Variants in COL6A3 observed in about 807,000 individuals in gnomAD.
COL6A3 encodes the protein collagen alpha-3(VI) chain.
COL6A3 carries 137 observed loss-of-function variants against 274.1 expected under a neutral mutation model. That is an observed-to-expected ratio of 0.50 (90% confidence interval 0.44 to 0.58). COL6A3 has a LOEUF of 0.58. Among genes scored for constraint, COL6A3 ranks in the 20% least tolerant of loss-of-function variants. COL6A3 has a pLI of 0.00. For missense variants in COL6A3, 3,950 were observed against 4,124.9 expected (o/e 0.96, Z 1.16); for synonymous variants, 1,650 against 1,650.6 (o/e 1.00, Z 0.01).
chr2:237,340,445 G>T lies in COL6A3; in HGVS notation c.8464+7C>A. 6.2e-7 allele frequency: 1 copy of T among 1,611,056 alleles called. No homozygotes were observed. The highest frequency in any genetic ancestry group is 8.5e-7 in the Non-Finnish European group (1 of 1,179,842). On this transcript the variant is annotated splice_region_variant and intron_variant, in intron 38 of 43. Transcript: ENST00000295550. ...CCAGGGCACATGCTGTGCCACGCAG[G>T]ACTTACTGCTGACGAAGGATGGCAA...
intron 1 of COL6A3, among the ~76,000 whole-genome samples, chr2:237,402,879 G>A (rs1045666215): frequency 3.3e-5 from 5 of 152,142 alleles, no homozygotes; most frequent in African/African-American, 1.2e-4. Flanking sequence ...AGTCTTCATG[G>A]TTGTCTGTTG....
intron 41 of COL6A3, 40 bp downstream of exon 41, chr2:237,334,586 A>G (rs750783832): frequency 5.6e-6 from 9 of 1,607,238 alleles, no homozygotes; most frequent in Admixed American, 1.7e-5. Context: ...GATACTCTAC[A>G]TAGAAATCAG....
At chr2:237,358,705 C>G in intron 20 of COL6A3, 122 bp from the exon 21 acceptor site, 1 of 942,664 alleles carries the variant, frequency 1.1e-6, no homozygotes, top group Non-Finnish European at 1.7e-6. Flanking sequence ...TACTCATTCA[C>G]CATGAAGGCA....
intron 42 of COL6A3, chr2:237,328,232 A>T (rs1403047842): frequency 6.6e-6 from 1 of 152,194 alleles, no homozygotes; most frequent in Non-Finnish European, 1.5e-5. Flanking sequence ...CTTCCTTACT[A>T]TTGGTCACTG....
chr2:237,359,005 A>T lies in COL6A3; in HGVS notation c.6408+30T>A, dbSNP rs760249080. The T allele has an allele frequency of 3.9e-5, 62 of 1,606,544 alleles. 1 individual carries two copies. The Admixed American group carries it at 1.0e-3, about 26-fold the overall frequency. ...TAAATGAAATGTTGATATTCTTTCC[A>T]TAATAGCACCACCGTGGAAATACAC... On this transcript the variant is annotated intron_variant, in intron 20 of 43. Coordinates refer to ENST00000295550, the MANE Select transcript of COL6A3 (RefSeq NM_004369.4).
At chr2:237,349,939 C>T (rs1226001075) in intron 28 of COL6A3, among the ~76,000 whole-genome samples, 2 of 152,162 alleles carry the variant, frequency 1.3e-5, no homozygotes, top group African/African-American at 4.8e-5. Flanking sequence ...TGTCTCTCCC[C>T]ACGGCCCGCC....
intron 21 of COL6A3, 30 bp downstream of exon 21, chr2:237,358,491 G>A: frequency 6.3e-7 from 1 of 1,587,728 alleles, no homozygotes; most frequent in Non-Finnish European, 8.7e-7. Context: ...CCAGGCTCAG[G>A]TCTGAAATCG....
chr2:237,350,127 C>G lies in COL6A3; in HGVS notation c.6879+20G>C. 6.2e-7 allele frequency: 1 copy of G among 1,613,506 alleles called. No homozygotes were observed. The highest frequency in any genetic ancestry group is 1.7e-5 in the Admixed American group (1 of 60,016). ...CAAAGAGTCAGCGACAGCCTGACCCCAAGCGCGCTGTGACCTTACCGTCTC... is the reference window on the plus strand; with the variant it reads ...CAAAGAGTCAGCGACAGCCTGACCCGAAGCGCGCTGTGACCTTACCGTCTC... On this transcript the variant is annotated intron_variant, in intron 28 of 43. Transcript: ENST00000295550.
At chr2:237,325,809 C>T (rs781172451) in intron 42 of COL6A3, 85 bp from the exon 43 acceptor site, 4 of 1,179,142 alleles carry the variant, frequency 3.4e-6, no homozygotes, top group Non-Finnish European at 4.9e-6. Flanking sequence ...GTCTGATGAC[C>T]CTACTGTGGC....
Position 237,371,695 on chromosome 2 carries a change from A to G in COL6A3, c.4285+37T>C. The G allele has an allele frequency of 6.5e-7, 1 of 1,540,748 alleles. No individual in the cohort carries two copies. The highest frequency in any genetic ancestry group is 1.3e-5 in the South Asian group (1 of 78,522). On this transcript the variant is annotated intron_variant, in intron 9 of 43. Transcript: ENST00000295550. This position sits in a 1 kb window ranked among gnomAD's most constrained non-coding sequence, Gnocchi z 4.3. ...TGAGCCTGTTATTTTTCATATGGAA[A>G]ATGCTCCAAGGAGAACCTCCGACGC...
Position 237,403,785 on chromosome 2 carries a change from C to T in COL6A3, c.-30-6938G>A, listed in dbSNP as rs1043518328. On this transcript the variant is annotated intron_variant, in intron 1 of 43. Coordinates refer to ENST00000295550, the MANE Select transcript of COL6A3 (RefSeq NM_004369.4). ...CAGGGACCCCCGACAGGCTGGACTG[C>T]CTGTTCTCCTCCCTCCACTTAGGTT... Among the ~76,000 whole-genome samples, 25 of 152,036 alleles carry T rather than the reference C, an allele frequency of 1.6e-4. 1 individual carries two copies. The highest frequency in any genetic ancestry group is 1.2e-3 in the South Asian group (6 of 4,818).
At position 237,366,792 on chromosome 2, in the gene COL6A3, C is replaced by T. The variant is rs768420468; in HGVS notation, c.5395G>A (p.Val1799Met). The T allele has an allele frequency of 6.8e-6, 11 of 1,614,272 alleles. No individual in the cohort carries two copies. Among genetic ancestry groups the T allele is most frequent in the South Asian group, 6.6e-5 (6 of 91,090 alleles). Residue 1799 changes from valine (V) to methionine (M), a missense_variant, in exon 11 of 44, where the codon GTG becomes ATG. Physicochemically the swap from Val to Met is conservative, Grantham distance 21. Around this residue, in one of 5 missense-constraint regions of COL6A3, gnomAD observed 632 missense variants for 623.4 expected, o/e 1.01. Coordinates refer to ENST00000295550, the MANE Select transcript of COL6A3 (RefSeq NM_004369.4). ...IASNSATAFR[V>M]GNVQELSELS... ...TCGGACAGCTCCTGGACGTTGCCCA[C>T]GCGGAACGCTGTGGCGCTGTTGGAC...
intron 23 of COL6A3, chr2:237,355,560 C>T (rs1309887256): frequency 6.6e-6 from 1 of 152,180 alleles, no homozygotes; most frequent in African/African-American, 2.4e-5. Flanking sequence ...CATTAATTTC[C>T]ACCTCAAAAT....
At chr2:237,348,452 T>G in intron 29 of COL6A3, 68 bp from the exon 30 acceptor site, 2 of 1,440,186 alleles carry the variant, frequency 1.4e-6, no homozygotes, top group East Asian at 2.3e-5. Flanking sequence ...AAATTGACCT[T>G]GAAAGAAAGA....
intron 41 of COL6A3, 32 bp from the exon 42 acceptor site, chr2:237,333,580 T>C: frequency 6.3e-7 from 1 of 1,580,984 alleles, no homozygotes; most frequent in Non-Finnish European, 8.7e-7. Context: ...AACTCGTAGG[T>C]AAATCAGAAA....
intron 32 of COL6A3, 112 bp downstream of exon 32, chr2:237,346,391 T>A: frequency 1.1e-6 from 1 of 917,132 alleles, no homozygotes. Flanking sequence ...ACCAAGCAAA[T>A]ACAAAGAGAG....
intron 16 of COL6A3, among the ~76,000 whole-genome samples, chr2:237,360,767 G>A (rs541385109): frequency 9.2e-5 from 14 of 152,226 alleles, no homozygotes. Context: ...TAAAGCCCTG[G>A]TGAGGTCTCC....
intron 42 of COL6A3, 23 bp downstream of exon 42, chr2:237,333,427 G>T: frequency 1.3e-6 from 2 of 1,599,246 alleles, no homozygotes; most frequent in Non-Finnish European, 1.7e-6. Flanking sequence ...GCCATTAATG[G>T]ACCTAATAGT....
chr2:237,346,903 C>T (rs2106327243), intron 31 of COL6A3, among the ~76,000 whole-genome samples: 2 of 151,724 alleles, frequency 1.3e-5, no homozygotes, highest in Middle Eastern at 3.4e-3. Context: ...CTAATGCGTT[C>T]AGTGTAGATA....
Sources: allele counts gnomAD v4.1 joint callset (sites outside exome capture counted in the v4.1 genomes callset), GRCh38; gene constraint gnomAD v4.1.1; regional missense constraint gnomAD v4.1.1; non-coding constraint Gnocchi (gnomAD v3.1); transcripts MANE v1.5; gene names NCBI Gene and HGNC (gene_info 2026-07-23, HGNC 2026-07-21).